RBFOX1: variants seen among roughly 807,000 people sequenced by gnomAD.
RBFOX1 encodes RNA binding fox-1 homolog 1, also known as RNA binding protein fox-1 homolog 1.
RBFOX1 carries 8 observed loss-of-function variants against 57.7 expected under a neutral mutation model. The ratio of observed to expected loss-of-function variants is 0.14; its 90% CI spans 0.08 to 0.25. RBFOX1 has a LOEUF of 0.25. Ranked by LOEUF, RBFOX1 falls within the 10% of genes least tolerant of loss-of-function variation. The probability of loss-of-function intolerance (pLI) is 1.00; values close to 1 mark genes in which losing one functional copy is unlikely to be tolerated. For missense variants in RBFOX1, 611 were observed against 548.5 expected (o/e 1.11, Z -1.14); for synonymous variants, 326 against 222.4 (o/e 1.47, Z -4.15).
intron 1 of RBFOX1, among the ~76,000 whole-genome samples, chr16:5,328,673 C>T (rs989140173): frequency 4.6e-5 from 7 of 152,218 alleles, no homozygotes; most frequent in African/African-American, 1.7e-4. Context: ...CCCTGCCATA[C>T]CCTTTTTGGT....
chr16:5,418,962 G>GT (rs1188043378), intron 1 of RBFOX1, among the ~76,000 whole-genome samples: 1 of 152,206 alleles, frequency 6.6e-6, no homozygotes, highest in Non-Finnish European at 1.5e-5. Flanking sequence ...AGAGTATCTA[G>GT]TTGAGGCCTG....
At chr16:6,949,413 C>G (rs546540586) in intron 3 of RBFOX1, among the ~76,000 whole-genome samples, 2 of 152,246 alleles carry the variant, frequency 1.3e-5, no homozygotes, top group East Asian at 1.9e-4. Context: ...GCTAGGGGCA[C>G]CATAACAAAA....
At chr16:7,448,702 C>A (rs1252076458) in intron 4 of RBFOX1, among the ~76,000 whole-genome samples, 1 of 152,140 alleles carries the variant, frequency 6.6e-6, no homozygotes, top group African/African-American at 2.4e-5. Context: ...CCCAGCAATC[C>A]TGGGTGATCC....
chr16:6,987,957 C>A (rs141115976), intron 3 of RBFOX1, among the ~76,000 whole-genome samples: 53 of 152,014 alleles, frequency 3.5e-4, no homozygotes, highest in African/African-American at 1.2e-3. Flanking sequence ...TTACTAAGTG[C>A]CAGCTAGGCA....
At chr16:5,613,559 T>C (rs1482916009) in intron 3 of RBFOX1, among the ~76,000 whole-genome samples, 3 of 152,160 alleles carry the variant, frequency 2.0e-5, no homozygotes, top group African/African-American at 7.2e-5. Flanking sequence ...TTTTCCTTTC[T>C]CATTATCTGT....
intron 2 of RBFOX1, among the ~76,000 whole-genome samples, chr16:5,591,394 G>T (rs1334801172): frequency 6.6e-6 from 1 of 151,962 alleles, no homozygotes; most frequent in East Asian, 1.9e-4. Context: ...TGGGACTACA[G>T]GCACCCACCA....
At chr16:5,962,354 A>T (rs1361681679) in intron 4 of RBFOX1, among the ~76,000 whole-genome samples, 1 of 152,166 alleles carries the variant, frequency 6.6e-6, no homozygotes. Context: ...TCTTTGAACT[A>T]TGCTTTGTCA....
intron 4 of RBFOX1, among the ~76,000 whole-genome samples, chr16:7,503,247 G>A (rs1406331002): frequency 2.0e-5 from 3 of 152,122 alleles, no homozygotes; most frequent in Non-Finnish European, 4.4e-5. Flanking sequence ...CATTCTTAGT[G>A]GGATACCGTA....
chr16:7,146,381 C>T (rs1035281203), intron 4 of RBFOX1, among the ~76,000 whole-genome samples: 1 of 152,198 alleles, frequency 6.6e-6, no homozygotes, highest in Non-Finnish European at 1.5e-5. Flanking sequence ...GAAATTGTCT[C>T]ATCAGTATAC....
intron 12 of RBFOX1, among the ~76,000 whole-genome samples, chr16:7,656,654 C>A (rs1316534578): frequency 1.3e-5 from 2 of 152,192 alleles, no homozygotes; most frequent in African/African-American, 4.8e-5. Flanking sequence ...TTTACCCCAG[C>A]CCAGTGCAGC....
intron 3 of RBFOX1, among the ~76,000 whole-genome samples, chr16:7,031,315 G>C (rs540362216): frequency 1.1e-4 from 16 of 152,174 alleles, no homozygotes; most frequent in Non-Finnish European, 1.9e-4. Flanking sequence ...CAGTATCATG[G>C]CTGGGTGCTA....
At chr16:6,239,999 G>A (rs188253315) in intron 1 of RBFOX1, among the ~76,000 whole-genome samples, 2 of 152,064 alleles carry the variant, frequency 1.3e-5, no homozygotes, top group East Asian at 1.9e-4. Flanking sequence ...TTCGGTCATC[G>A]GAGTGGATCT....
At chr16:6,754,608 T>C (rs757177290) in intron 3 of RBFOX1, among the ~76,000 whole-genome samples, 9 of 152,160 alleles carry the variant, frequency 5.9e-5, no homozygotes, top group South Asian at 4.1e-4. Context: ...TTGTGTCTTG[T>C]TGAATTTTTC....
intron 4 of RBFOX1, among the ~76,000 whole-genome samples, chr16:7,130,392 C>T (rs1414635839): frequency 1.3e-5 from 2 of 152,092 alleles, no homozygotes; most frequent in Admixed American, 6.6e-5. Context: ...CCATTGTGCT[C>T]TGGAAATTCT....
chr16:7,513,254 A>G (rs1045613099), intron 4 of RBFOX1, among the ~76,000 whole-genome samples: 53 of 123,514 alleles, frequency 4.3e-4, no homozygotes, highest in Admixed American at 1.7e-3. Flanking sequence ...CAGGAGCAAA[A>G]CTCTGTGTCA....
chr16:5,844,552 C>G (rs1262994326), intron 3 of RBFOX1, among the ~76,000 whole-genome samples: 7 of 152,138 alleles, frequency 4.6e-5, no homozygotes, highest in Non-Finnish European at 7.3e-5. Context: ...GCAAAGATTC[C>G]TTCACTAACT....
At chr16:5,925,672 C>T (rs1009780734) in intron 4 of RBFOX1, among the ~76,000 whole-genome samples, 1 of 150,108 alleles carries the variant, frequency 6.7e-6, no homozygotes. Context: ...CACAAATATA[C>T]ATATTATATA....
At chr16:7,647,406 A>G (rs759351174) in intron 11 of RBFOX1, among the ~76,000 whole-genome samples, 2 of 152,202 alleles carry the variant, frequency 1.3e-5, no homozygotes, top group African/African-American at 4.8e-5. Flanking sequence ...TCTCTTCAGT[A>G]TAATGAACCT....
At chr16:7,135,324 A>G (rs1007898193) in intron 4 of RBFOX1, among the ~76,000 whole-genome samples, 4 of 152,214 alleles carry the variant, frequency 2.6e-5, no homozygotes, top group African/African-American at 4.8e-5. Context: ...TGTTTGCAAG[A>G]GGAAATTTGT....
Sources: gnomAD v4.1 joint callset for allele counts (sites outside exome capture counted in the v4.1 genomes callset) on GRCh38, gnomAD v4.1.1 for gene constraint, MANE v1.5 for transcripts, NCBI Gene and HGNC (gene_info 2026-07-23, HGNC 2026-07-21) for gene names.